PLSCR2: variants seen among roughly 807,000 people sequenced by gnomAD.
The protein encoded by PLSCR2 is phospholipid scramblase 2.
A neutral mutation model predicts 25.3 loss-of-function variants in PLSCR2; 18 were observed. The ratio of observed to expected loss-of-function variants is 0.71; its 90% CI spans 0.49 to 1.06. PLSCR2 has a LOEUF of 1.06. PLSCR2 is among the 50% of genes least tolerant of loss of function. The probability of loss-of-function intolerance (pLI) is 0.00; values close to 1 mark genes in which losing one functional copy is unlikely to be tolerated. For synonymous variants in PLSCR2, 88 were observed against 87.3 expected (o/e 1.01, Z -0.04); for missense variants, 243 against 269.5 (o/e 0.90, Z 0.69).
At chr3:146,490,957 T>C (rs1269526965) in intron 1 of PLSCR2, among the ~76,000 whole-genome samples, 1 of 152,136 alleles carries the variant, frequency 6.6e-6, no homozygotes, top group African/African-American at 2.4e-5. Flanking sequence ...GGCTATGCAC[T>C]TAAGTATGTT....
At chr3:146,411,756 G>T (rs780618232) in intron 2 of PLSCR2, among the ~76,000 whole-genome samples, 1 of 152,048 alleles carries the variant, frequency 6.6e-6, no homozygotes, top group Non-Finnish European at 1.5e-5. Flanking sequence ...TTAGAAAGGG[G>T]AGGGGGTCTA....
At chr3:146,470,213 C>T (rs1355984658) in intron 1 of PLSCR2, among the ~76,000 whole-genome samples, 1 of 152,138 alleles carries the variant, frequency 6.6e-6, no homozygotes, top group African/African-American at 2.4e-5. Flanking sequence ...GCAACTGGCA[C>T]ACCCTCATGC....
intron 1 of PLSCR2, among the ~76,000 whole-genome samples, chr3:146,481,464 G>A (rs2043127497): frequency 6.6e-6 from 1 of 152,096 alleles, no homozygotes; most frequent in Non-Finnish European, 1.5e-5. Flanking sequence ...AGTCATCAGT[G>A]AACTCCCATT....
intron 1 of PLSCR2, among the ~76,000 whole-genome samples, chr3:146,475,768 A>G (rs924730900): frequency 2.0e-5 from 3 of 152,168 alleles, no homozygotes; most frequent in Non-Finnish European, 4.4e-5. Flanking sequence ...CAAAGATCCA[A>G]TAGATGATTT....
At chr3:146,396,475 A>T (rs767348102) in intron 2 of PLSCR2, among the ~76,000 whole-genome samples, 5 of 152,182 alleles carry the variant, frequency 3.3e-5, no homozygotes, top group Admixed American at 6.5e-5. Context: ...CCATAAGGGA[A>T]GGGTAGGGTG....
At position 146,459,907 on chromosome 3, in the gene PLSCR2, A is replaced by G; in HGVS notation, c.-3T>C. On this transcript the variant is annotated 5_prime_UTR_variant, in exon 2 of 7. The change abolishes an upstream ATG in the 5' untranslated region. Coordinates refer to ENST00000610787, the Ensembl canonical transcript of PLSCR2. ...AATGGTGGTGGTGGTGCTGGCATCC[A>G]TGGTACCCCTTCAGGTCTACCTGGC... 1 of 1,613,946 alleles carries G rather than the reference A, an allele frequency of 6.2e-7. No individual in the cohort carries two copies. Among genetic ancestry groups the G allele is most frequent in the South Asian group, 1.1e-5 (1 of 91,066 alleles).
chr3:146,441,496 A>T (rs898510759), downstream of PLSCR2, among the ~76,000 whole-genome samples: 1 of 151,974 alleles, frequency 6.6e-6, no homozygotes, highest in Non-Finnish European at 1.5e-5. Context: ...GAAGTTTTGT[A>T]TCTAAATTTA....
At chr3:146,397,963 AAAGG>A (rs1472372278) in intron 2 of PLSCR2, among the ~76,000 whole-genome samples, 1 of 152,014 alleles carries the variant, frequency 6.6e-6, no homozygotes, top group African/African-American at 2.4e-5. Context: ...TAATTCTAAG[AAAGG>A]AAGGAAAATC....
intron 2 of PLSCR2, among the ~76,000 whole-genome samples, chr3:146,411,217 A>G (rs6440432): frequency 0.53 from 79,930 of 151,896 alleles, 21,305 homozygotes; most frequent in South Asian, 0.71. Context: ...CGTGAACTAA[A>G]TCAAGGGAGG....
rs34986699 is a variant in PLSCR2, at chr3:146,493,783, G to GTTTT, written c.-293+2108_-293+2111dup. Among the ~76,000 whole-genome samples, 119 of 54,788 alleles carry GTTTT rather than the reference G, an allele frequency of 2.2e-3. 1 individual carries two copies. Among genetic ancestry groups the GTTTT allele is most frequent in the East Asian group, 3.6e-3 (5 of 1,384 alleles). The allele number at this position is 54,788 out of a possible 152,430, so 35.9% of individuals were successfully genotyped here. A position where few individuals can be genotyped will look rare whatever the true frequency, so the allele number is the denominator to read the frequency against. ...TTTCTGTTTTTCAGTCCAAGGTGGC[G>GTTTT]TTTTTTTTTTTTTTTTTTTTTTTTG... On this transcript the variant is annotated intron_variant, in intron 1 of 8. Coordinates refer to the PLSCR2 transcript ENST00000336685.
upstream of PLSCR2, among the ~76,000 whole-genome samples, chr3:146,463,237 C>A (rs1358274236): frequency 6.6e-6 from 1 of 152,008 alleles, no homozygotes; most frequent in Non-Finnish European, 1.5e-5. Flanking sequence ...AGTGCAGTGG[C>A]GAGATCTGGG....
chr3:146,440,882 A>G (rs181964481), downstream of PLSCR2, among the ~76,000 whole-genome samples: 2 of 152,320 alleles, frequency 1.3e-5, no homozygotes, highest in Admixed American at 1.3e-4. Context: ...TATGCTTTGT[A>G]AAGATACACA....
At chr3:146,426,260 T>G (rs138701829) in intron 2 of PLSCR2, among the ~76,000 whole-genome samples, 2 of 136,822 alleles carry the variant, frequency 1.5e-5, no homozygotes, top group African/African-American at 5.5e-5. Context: ...TCTCCCTCCT[T>G]CCTTCCTTCC....
chr3:146,432,907 T>TGTCTTTAA (rs1559988919), downstream of PLSCR2, among the ~76,000 whole-genome samples: 1 of 152,206 alleles, frequency 6.6e-6, no homozygotes, highest in East Asian at 1.9e-4. Flanking sequence ...TTAAAGACTA[T>TGTCTTTAA]AGTATGTCTT....
At chr3:146,413,434 A>G (rs909614392) in intron 2 of PLSCR2, among the ~76,000 whole-genome samples, 7 of 152,044 alleles carry the variant, frequency 4.6e-5, no homozygotes, top group African/African-American at 1.7e-4. Context: ...AGTCATTTCT[A>G]TCCTCTTGTA....
At chr3:146,445,473 T>C (rs909223511) in intron 6 of PLSCR2, among the ~76,000 whole-genome samples, 1 of 152,156 alleles carries the variant, frequency 6.6e-6, no homozygotes, top group African/African-American at 2.4e-5. Flanking sequence ...GCACTTTAAA[T>C]ATGCCAAGCC....
At chr3:146,483,919 A>G (rs987167030) in intron 1 of PLSCR2, among the ~76,000 whole-genome samples, 27 of 152,060 alleles carry the variant, frequency 1.8e-4, no homozygotes, top group African/African-American at 6.5e-4. Flanking sequence ...GCAAGAGCAC[A>G]GAACTCGGTG....
chr3:146,493,758 T>C (rs1220566059), intron 1 of PLSCR2, among the ~76,000 whole-genome samples: 19 of 151,286 alleles, frequency 1.3e-4, no homozygotes, highest in Admixed American at 1.3e-3. Flanking sequence ...TGATTTCTTC[T>C]TTCTGTTTTT....
At chr3:146,403,448 T>G (rs988930068) in intron 2 of PLSCR2, among the ~76,000 whole-genome samples, 1 of 152,216 alleles carries the variant, frequency 6.6e-6, no homozygotes, top group Non-Finnish European at 1.5e-5. Context: ...ATTTCTAACA[T>G]GTTCCCAGGT....
Sources: gnomAD v4.1 joint callset for allele counts (sites outside exome capture counted in the v4.1 genomes callset) on GRCh38, gnomAD v4.1.1 for gene constraint, MANE v1.5 for transcripts, NCBI Gene and HGNC (gene_info 2026-07-23, HGNC 2026-07-21) for gene names.